The following TNNI3K variants were observed in gnomAD, a reference collection of about 807,000 sequenced individuals.
TNNI3K encodes TNNI3 interacting kinase, also known as serine/threonine-protein kinase TNNI3K.
TNNI3K carries 140 observed loss-of-function variants against 114.5 expected under a neutral mutation model. The observed-to-expected ratio is 1.22, with a 90% CI of 1.07 to 1.41. The LOEUF (loss-of-function observed/expected upper bound fraction) is 1.41. Ranked by LOEUF, TNNI3K falls within the 40% of genes most tolerant of loss-of-function variation. TNNI3K has a pLI of 0.00. For missense variants in TNNI3K, 1,125 were observed against 1,007.6 expected (o/e 1.12, Z -1.58); for synonymous variants, 347 against 347.5 (o/e 1.00, Z 0.02).
intron 5 of TNNI3K, among the ~76,000 whole-genome samples, chr1:74,312,540 A>G (rs954664057): frequency 6.6e-6 from 1 of 152,258 alleles, no homozygotes; most frequent in South Asian, 2.1e-4. Flanking sequence ...GAAGATGACA[A>G]TGAGATCTTG....
rs1359234445 is a variant in TNNI3K, at chr1:74,475,402, G to A, written c.2121+11852G>A. On this transcript the variant is annotated intron_variant, in intron 21 of 24. Coordinates refer to ENST00000326637, the MANE Select transcript of TNNI3K (RefSeq NM_015978.3). The stretch of plus-strand genomic sequence containing the variant: ...TGGATTATATGTTGTAAGTAAGCCT[G>A]CTTCATTAAAAGCTCTCATATTTCC... 5.6e-6 allele frequency: 4 copies of A among 717,080 alleles called. No individual in the cohort carries two copies. The Admixed American group carries it at 6.0e-5, about 11-fold the overall frequency. The allele number at this position is 717,080 out of a possible 1,614,324, so 44.4% of individuals were successfully genotyped here.
intron 7 of TNNI3K, among the ~76,000 whole-genome samples, chr1:74,336,930 C>A (rs951203924): frequency 5.3e-5 from 8 of 152,118 alleles, no homozygotes; most frequent in African/African-American, 1.7e-4. Flanking sequence ...GCCACACTGA[C>A]TTCCACAATG....
chr1:74,360,698 C>T (rs1168195694), intron 11 of TNNI3K, among the ~76,000 whole-genome samples: 1 of 151,998 alleles, frequency 6.6e-6, no homozygotes, highest in African/African-American at 2.4e-5. Context: ...GCCACTTGGT[C>T]TTCAAGACTT....
chr1:74,318,179 T>C (rs1347369032), intron 5 of TNNI3K, among the ~76,000 whole-genome samples: 1 of 152,194 alleles, frequency 6.6e-6, no homozygotes, highest in Non-Finnish European at 1.5e-5. Flanking sequence ...TTGTTGAAAA[T>C]TAATGCTTCA....
intron 11 of TNNI3K, among the ~76,000 whole-genome samples, chr1:74,354,499 AG>A (rs45554235): frequency 5.4e-4 from 80 of 147,468 alleles, no homozygotes; most frequent in Middle Eastern, 3.4e-3. Flanking sequence ...AAGAAGTACA[AG>A]GGGGGGGGAA....
At chr1:74,438,953 G>C (rs372764378) in intron 19 of TNNI3K, 1 of 151,974 alleles carries the variant, frequency 6.6e-6, no homozygotes, top group Non-Finnish European at 1.5e-5. Context: ...GGAACTCCTC[G>C]GGAGCCATTT....
At chr1:74,477,307 G>A (rs906408975) in intron 21 of TNNI3K, among the ~76,000 whole-genome samples, 1 of 151,914 alleles carries the variant, frequency 6.6e-6, no homozygotes, top group South Asian at 2.1e-4. Flanking sequence ...TTTCACAAAT[G>A]AGGATAACTA....
chr1:74,271,598 G>T lies in TNNI3K; in HGVS notation c.334G>T (p.Asp112Tyr). Reference sequence around the variant, plus strand: ...ACACTAAAGATATGTTTCCTTACAGGATAATGCAGAATTGATCACTTCTCT... The same window carrying T: ...ACACTAAAGATATGTTTCCTTACAGTATAATGCAGAATTGATCACTTCTCT... The part of the protein sequence containing the change: ...FTALHLAVYK[D>Y]NAELITSLLH... Residue 112 changes from aspartate to tyrosine, a missense_variant and splice_region_variant, in exon 5 of 25, where the codon GAT becomes TAT. Coordinates refer to ENST00000326637, the MANE Select transcript of TNNI3K (RefSeq NM_015978.3). 1 of 1,595,680 alleles carries T rather than the reference G, an allele frequency of 6.3e-7. No homozygotes were observed. Among genetic ancestry groups the T allele is most frequent in the Non-Finnish European group, 8.5e-7 (1 of 1,170,278 alleles).
intron 20 of TNNI3K, among the ~76,000 whole-genome samples, chr1:74,449,507 C>A (rs1269470123): frequency 3.3e-5 from 5 of 151,916 alleles, no homozygotes; most frequent in Non-Finnish European, 5.9e-5. Context: ...ATTCAGGAAA[C>A]CCATCTCACG....
intron 17 of TNNI3K, among the ~76,000 whole-genome samples, chr1:74,379,213 A>G (rs559850635): frequency 1.6e-4 from 25 of 152,150 alleles, no homozygotes; most frequent in African/African-American, 4.3e-4. Context: ...CTGAATTGAA[A>G]TATGGCTCAA....
chr1:74,242,645 A>G (rs996167357), intron 2 of TNNI3K, among the ~76,000 whole-genome samples: 1 of 152,186 alleles, frequency 6.6e-6, no homozygotes, highest in African/African-American at 2.4e-5. Context: ...GTGTTTTGCC[A>G]ATTAGCCACA....
At chr1:74,417,207 G>A (rs113962721) in intron 17 of TNNI3K, among the ~76,000 whole-genome samples, 156 of 152,188 alleles carry the variant, frequency 1.0e-3, no homozygotes, top group African/African-American at 3.5e-3. Context: ...AGTATTAGGT[G>A]TTGTAGCAAC....
intron 23 of TNNI3K, among the ~76,000 whole-genome samples, chr1:74,506,346 G>C (rs771302105): frequency 7.2e-5 from 11 of 152,170 alleles, no homozygotes; most frequent in Non-Finnish European, 1.6e-4. Context: ...CTGAAGCACA[G>C]AAAGTATAAA....
At chr1:74,451,695 C>CTTTTCTTTTCT (rs34653118) in intron 20 of TNNI3K, among the ~76,000 whole-genome samples, 20 of 27,172 alleles carry the variant, frequency 7.4e-4, no homozygotes, top group African/African-American at 1.8e-3. Flanking sequence ...TTCTTTCTTT[C>CTTTTCTTTTCT]TTTCTTTCTT....
chr1:74,395,286 T>C (rs1210898213), intron 17 of TNNI3K, among the ~76,000 whole-genome samples: 1 of 151,928 alleles, frequency 6.6e-6, no homozygotes, highest in African/African-American at 2.4e-5. Flanking sequence ...AGTCCCTTCT[T>C]TGGGTTTGGA....
chr1:74,285,865 C>A (rs1657300057), intron 5 of TNNI3K, among the ~76,000 whole-genome samples: 1 of 152,074 alleles, frequency 6.6e-6, no homozygotes, highest in Non-Finnish European at 1.5e-5. Flanking sequence ...TAACTTCAAA[C>A]AAATTAGTCT....
intron 21 of TNNI3K, among the ~76,000 whole-genome samples, chr1:74,488,107 T>C (rs1194762026): frequency 6.6e-6 from 1 of 152,144 alleles, no homozygotes; most frequent in Non-Finnish European, 1.5e-5. Context: ...TTAGAGAGTA[T>C]GAAGTAAGCC....
At chr1:74,265,797 G>A (rs562245947) in intron 4 of TNNI3K, among the ~76,000 whole-genome samples, 1 of 151,984 alleles carries the variant, frequency 6.6e-6, no homozygotes, top group African/African-American at 2.4e-5. Context: ...GAAACATGTC[G>A]CAAATGTAGG....
intron 23 of TNNI3K, among the ~76,000 whole-genome samples, chr1:74,503,183 A>C (rs1286262983): frequency 6.6e-6 from 1 of 152,198 alleles, no homozygotes; most frequent in Non-Finnish European, 1.5e-5. Flanking sequence ...TCTGGTGATG[A>C]AAGTCCAAGA....
Sources: gnomAD v4.1 joint callset for allele counts (sites outside exome capture counted in the v4.1 genomes callset) on GRCh38, gnomAD v4.1.1 for gene constraint, MANE v1.5 for transcripts, NCBI Gene and HGNC (gene_info 2026-07-23, HGNC 2026-07-21) for gene names.